ATP13A3: variants seen among roughly 807,000 people sequenced by gnomAD.
ATP13A3 encodes polyamine-transporting ATPase 13A3.
Under a neutral mutation model 158.1 loss-of-function variants are expected in ATP13A3, and 59 were observed. That is an observed-to-expected ratio of 0.37 (90% CI 0.30 to 0.46). The LOEUF (loss-of-function observed/expected upper bound fraction) is 0.46, where lower values mean the gene tolerates loss of function less well. Among genes scored for constraint, ATP13A3 ranks in the 20% least tolerant of loss-of-function variants. The probability of loss-of-function intolerance (pLI) is 1.00; values close to 1 mark genes in which losing one functional copy is unlikely to be tolerated. For missense variants in ATP13A3, 1,166 were observed against 1,525.2 expected (o/e 0.76, Z 3.92); for synonymous variants, 491 against 504.3 (o/e 0.97, Z 0.35).
intron 8 of ATP13A3, 148 bp from the exon 9 acceptor site, chr3:194,454,540 T>C (rs1719057499): frequency 1.1e-6 from 1 of 948,294 alleles, no homozygotes; most frequent in African/African-American, 1.7e-5. Flanking sequence ...CCCTAAAAAG[T>C]AGGGCAGGCT....
intron 7 of ATP13A3, among the ~76,000 whole-genome samples, chr3:194,456,370 A>C (rs747359675): frequency 3.9e-5 from 6 of 152,140 alleles, no homozygotes; most frequent in African/African-American, 4.8e-5. Context: ...AGTTCAAAAC[A>C]TTGTACATTC....
chr3:194,460,940 C>G, intron 3 of ATP13A3, 109 bp from the exon 4 acceptor site: 2 of 1,150,804 alleles, frequency 1.7e-6, no homozygotes, highest in Non-Finnish European at 1.2e-6. Flanking sequence ...ATTGTCTTGT[C>G]ACATAAACTG....
At chr3:194,484,556 C>G (rs918601343) in intron 2 of ATP13A3, among the ~76,000 whole-genome samples, 1 of 146,242 alleles carries the variant, frequency 6.8e-6, no homozygotes, top group Non-Finnish European at 1.5e-5. Context: ...GATGGGGACG[C>G]CCTATGGAAC....
intron 17 of ATP13A3, among the ~76,000 whole-genome samples, chr3:194,438,610 C>T (rs1173048494): frequency 1.3e-5 from 2 of 152,042 alleles, no homozygotes; most frequent in African/African-American, 4.8e-5. Flanking sequence ...TTGTGACTTC[C>T]TCTTCTAGCA....
chr3:194,448,501 C>A lies in ATP13A3; in HGVS notation c.1106G>T (p.Arg369Leu). 6.2e-7 allele frequency: 1 copy of A among 1,614,024 alleles called. No homozygotes were observed. ...TTTGACGAGTTCTCCAGTGTAGAAA[C>A]GAGTCTGAATAACAGTTGTCCCACA... is the stretch of plus-strand genomic sequence containing the variant. ...LFCGTTVIQT[R>L]FYTGELVKAI... Residue 369 changes from arginine (R) to leucine (L), a missense_variant, in exon 12 of 34, where the codon CGT becomes CTT. Arg to Leu is a moderately radical substitution (Grantham distance 102). This residue lies in a region of ATP13A3 where 997 missense variants were observed against 1,341.2 expected (regional missense o/e 0.74). Transcript: ENST00000645319. This position sits in a 1 kb window ranked among gnomAD's most constrained non-coding sequence, Gnocchi z 4.0.
intron 10 of ATP13A3, chr3:194,450,585 T>G (rs1718737788): frequency 3.6e-6 from 1 of 281,310 alleles, no homozygotes. Flanking sequence ...ACTATTAGCC[T>G]AAGGAAGAGA....
chr3:194,432,200 TAC>T (rs1321321602), intron 21 of ATP13A3, among the ~76,000 whole-genome samples: 4 of 152,228 alleles, frequency 2.6e-5, no homozygotes, highest in Non-Finnish European at 5.9e-5. Flanking sequence ...GGCACGGTGC[TAC>T]ACACAGATCA....
At chr3:194,487,341 C>T (rs563368790), upstream of ATP13A3, 1 of 152,478 alleles carries the variant, frequency 6.6e-6, no homozygotes, top group South Asian at 2.1e-4. Context: ...GAAACTGAGG[C>T]TCAGTGACTA....
At chr3:194,408,167 G>A (rs577603466) in intron 33 of ATP13A3, among the ~76,000 whole-genome samples, 196 of 151,958 alleles carry the variant, frequency 1.3e-3, no homozygotes, top group Non-Finnish European at 1.5e-3. Flanking sequence ...CTACAGGCAC[G>A]CGCCACCACG....
intron 2 of ATP13A3, among the ~76,000 whole-genome samples, chr3:194,463,095 T>C (rs1289976669): frequency 6.6e-6 from 1 of 152,210 alleles, no homozygotes; most frequent in East Asian, 1.9e-4. Flanking sequence ...AATAAATATT[T>C]ACTAAGCACC....
Position 194,431,242 on chromosome 3 carries a change from AT to A in ATP13A3, c.2422-17del. The A allele has an allele frequency of 6.3e-7, 1 of 1,575,740 alleles. No homozygotes were observed. The highest frequency in any genetic ancestry group is 2.3e-5 in the East Asian group (1 of 43,968). ...CCGGAATAGCCTGTGTATATGAGAC[AT>A]TGGGAACAATATTTAGGCAACCAAA... On this transcript the variant is annotated splice_polypyrimidine_tract_variant and intron_variant, in intron 22 of 33. Transcript: ENST00000645319.
chr3:194,418,562 GA>G (rs1444177090), intron 31 of ATP13A3, among the ~76,000 whole-genome samples: 1 of 152,044 alleles, frequency 6.6e-6, no homozygotes, highest in Non-Finnish European at 1.5e-5. Context: ...TTAAACACAT[GA>G]AAAAATGCTC....
chr3:194,474,490 T>C (rs375016425), intron 2 of ATP13A3, among the ~76,000 whole-genome samples: 1 of 151,972 alleles, frequency 6.6e-6, no homozygotes, highest in Non-Finnish European at 1.5e-5. Context: ...ATAATAGAAA[T>C]TGACAAATCA....
rs897682533 is a variant in ATP13A3, at chr3:194,494,293, A to G, written n.516-13T>C. On this transcript the variant is annotated splice_polypyrimidine_tract_variant and intron_variant and non_coding_transcript_variant, in intron 1 of 32. Transcript: ENST00000687055. This position sits in a 1 kb window ranked among gnomAD's most constrained non-coding sequence, Gnocchi z 4.2. ...GTCAGAAAGTATGCTGAGTAAGTGG[A>G]GAACAAGTTAACATTGATTTTCACA... 2.0e-5 allele frequency: 8 copies of G among 398,612 alleles called. No individual in the cohort carries two copies. The Middle Eastern group carries it at 1.9e-3, about 94-fold the overall frequency. The allele number at this position is 398,612 out of a possible 1,614,324, so 24.7% of individuals were successfully genotyped here.
chr3:194,474,810 C>T (rs897972734), intron 2 of ATP13A3, among the ~76,000 whole-genome samples: 5 of 152,210 alleles, frequency 3.3e-5, no homozygotes, highest in Non-Finnish European at 5.9e-5. Context: ...AACCTTACAG[C>T]TGCTGCCGGC....
chr3:194,479,160 C>A (rs1286873498), intron 2 of ATP13A3, among the ~76,000 whole-genome samples: 1 of 152,142 alleles, frequency 6.6e-6, no homozygotes, highest in Non-Finnish European at 1.5e-5. Context: ...ATTCTATTCT[C>A]TTCATCAAAC....
In ATP13A3 at chr3:194,448,281, T is replaced by C. The variant is rs900674715; in HGVS notation, c.1150+176A>G. On this transcript the variant is annotated intron_variant, in intron 12 of 33. Coordinates refer to ENST00000645319, the MANE Select transcript of ATP13A3 (RefSeq NM_001367549.1). This position sits in a 1 kb window ranked among gnomAD's most constrained non-coding sequence, Gnocchi z 4.0. ...TTTTGGTAGAGACGGGGTTTCACCATGTTAGCCAGGATGGTCTCAATCTCC... is the reference window on the plus strand; with the variant it reads ...TTTTGGTAGAGACGGGGTTTCACCACGTTAGCCAGGATGGTCTCAATCTCC... Among the ~76,000 whole-genome samples the C allele has an allele frequency of 1.3e-5, 2 of 152,196 alleles. No individual in the cohort carries two copies. The highest frequency in any genetic ancestry group is 1.9e-4 in the East Asian group (1 of 5,186).
upstream of ATP13A3, among the ~76,000 whole-genome samples, chr3:194,491,449 A>G (rs999128449): frequency 1.3e-5 from 2 of 151,784 alleles, no homozygotes; most frequent in African/African-American, 2.4e-5. Flanking sequence ...CCATTGCTCC[A>G]TTTCACTGCC....
chr3:194,478,188 A>G (rs1289129186), intron 2 of ATP13A3, among the ~76,000 whole-genome samples: 1 of 152,054 alleles, frequency 6.6e-6, no homozygotes, highest in Admixed American at 6.6e-5. Flanking sequence ...ATAAAAACTC[A>G]TTTGTTAGAA....
Sources: gnomAD v4.1 joint callset for allele counts (sites outside exome capture counted in the v4.1 genomes callset) on GRCh38, gnomAD v4.1.1 for gene constraint, gnomAD v4.1.1 regional missense constraint, Gnocchi (gnomAD v3.1) non-coding constraint, MANE v1.5 for transcripts, NCBI Gene and HGNC (gene_info 2026-07-23, HGNC 2026-07-21) for gene names.